The following KL variants were observed in gnomAD, a reference collection of about 807,000 sequenced individuals.
KL encodes alpha-klotho.
KL carries 62 observed loss-of-function variants against 84.2 expected under a neutral mutation model. The observed-to-expected ratio is 0.74, with a 90% confidence interval of 0.60 to 0.91. The LOEUF (loss-of-function observed/expected upper bound fraction) is 0.91. KL is among the 40% of genes least tolerant of loss of function. The probability of loss-of-function intolerance (pLI) is 0.00; values close to 1 mark genes in which losing one functional copy is unlikely to be tolerated. For synonymous variants in KL, 528 were observed against 528.0 expected (o/e 1.00, Z 0.00); for missense variants, 1,261 against 1,305.7 (o/e 0.97, Z 0.53).
chr13:33,044,705 C>G (rs1254289947), intron 1 of KL, among the ~76,000 whole-genome samples: 1 of 116,958 alleles, frequency 8.6e-6, no homozygotes, highest in Non-Finnish European at 1.6e-5. Context: ...GGCTGGAGTG[C>G]AGTGGCGTGA....
intron 3 of KL, among the ~76,000 whole-genome samples, chr13:33,060,322 A>C (rs911314650): frequency 9.2e-5 from 14 of 152,094 alleles, no homozygotes; most frequent in African/African-American, 3.1e-4. Context: ...TCATGACATT[A>C]ATGATTTCTT....
chr13:33,025,314 A>G (rs1870730111), intron 1 of KL, among the ~76,000 whole-genome samples: 1 of 152,222 alleles, frequency 6.6e-6, no homozygotes, highest in Non-Finnish European at 1.5e-5. Flanking sequence ...CAGATCCTAC[A>G]GTGTCTGTTG....
intron 1 of KL, among the ~76,000 whole-genome samples, chr13:33,024,550 G>A (rs1487871934): frequency 1.3e-5 from 2 of 152,190 alleles, no homozygotes; most frequent in African/African-American, 4.8e-5. Context: ...GCTCCCAAAG[G>A]AGGCATATTT....
intron 1 of KL, among the ~76,000 whole-genome samples, chr13:33,022,661 G>A (rs1205116968): frequency 6.6e-6 from 1 of 152,154 alleles, no homozygotes; most frequent in Non-Finnish European, 1.5e-5. Context: ...ACCCTTCAGA[G>A]ACTTGACTCA....
At position 33,064,665 on chromosome 13, in the gene KL, A is replaced by G; in HGVS notation, c.*479A>G. 1 of 235,852 alleles carries G rather than the reference A, an allele frequency of 4.2e-6. No individual in the cohort carries two copies. The highest frequency in any genetic ancestry group is 5.3e-5 in the Admixed American group (1 of 18,842). The allele number at this position is 235,852 out of a possible 1,614,324, so 14.6% of individuals were successfully genotyped here. On this transcript the variant is annotated 3_prime_UTR_variant, in exon 5 of 5. Coordinates refer to ENST00000380099, the MANE Select transcript of KL (RefSeq NM_004795.4). ...TCCCCTCTGTCAAATCTAGTTTCCTATGGAAAAGAAGATGGCAGATACAGG... is the reference window on the plus strand; with the variant it reads ...TCCCCTCTGTCAAATCTAGTTTCCTGTGGAAAAGAAGATGGCAGATACAGG...
At chr13:33,028,972 C>G (rs754556299) in intron 1 of KL, among the ~76,000 whole-genome samples, 25 of 141,222 alleles carry the variant, frequency 1.8e-4, no homozygotes, top group Non-Finnish European at 3.2e-4. Flanking sequence ...AAGAAAACGT[C>G]TTAAGAGTCA....
Position 33,054,921 on chromosome 13 carries a change from T to C in KL, c.1331-126T>C, listed in dbSNP as rs540913366. On this transcript the variant is annotated intron_variant, in intron 2 of 4. Transcript: ENST00000380099. ...AGTCTTTCGTCAAGAAGAAAAATCA[T>C]TGGCTTACCAAACGAGAAGCATTAC... 7 of 1,219,090 alleles carry C rather than the reference T, an allele frequency of 5.7e-6. No individual in the cohort carries two copies. The African/African-American group carries it at 1.0e-4, about 18-fold the overall frequency. 75.5% of individuals were successfully genotyped at this position (1,219,090 alleles called of 1,614,324 possible).
intron 1 of KL, among the ~76,000 whole-genome samples, chr13:33,039,564 G>A (rs1871263087): frequency 6.6e-6 from 1 of 152,042 alleles, no homozygotes; most frequent in Non-Finnish European, 1.5e-5. Flanking sequence ...ATGCACGTGG[G>A]GAGCCAAACA....
chr13:33,044,402 A>C (rs1871444549), intron 1 of KL, among the ~76,000 whole-genome samples: 1 of 152,098 alleles, frequency 6.6e-6, no homozygotes, highest in African/African-American at 2.4e-5. Flanking sequence ...TCAGTAGGTC[A>C]ATCTGGGGAA....
chr13:33,030,535 G>A (rs1486692955), intron 1 of KL, among the ~76,000 whole-genome samples: 1 of 152,090 alleles, frequency 6.6e-6, no homozygotes, highest in African/African-American at 2.4e-5. Context: ...ATGATCATAA[G>A]TGCAAATTAT....
At chr13:33,029,170 A>T (rs1870882392) in intron 1 of KL, among the ~76,000 whole-genome samples, 1 of 152,240 alleles carries the variant, frequency 6.6e-6, no homozygotes, top group African/African-American at 2.4e-5. Flanking sequence ...TATAGCACAT[A>T]TTTATAGCAT....
At chr13:33,027,408 C>G (rs2138196780) in intron 1 of KL, among the ~76,000 whole-genome samples, 1 of 152,300 alleles carries the variant, frequency 6.6e-6, no homozygotes, top group East Asian at 1.9e-4. Flanking sequence ...GGGCCTTGAC[C>G]TTGGCATAAC....
intron 1 of KL, among the ~76,000 whole-genome samples, chr13:33,027,866 G>C (rs1870836767): frequency 1.3e-5 from 2 of 152,208 alleles, no homozygotes; most frequent in Non-Finnish European, 1.5e-5. Context: ...TAAATGTCAA[G>C]ATAGGATTAG....
chr13:33,033,745 G>A (rs1193521054), intron 1 of KL, among the ~76,000 whole-genome samples: 1 of 151,842 alleles, frequency 6.6e-6, no homozygotes, highest in Non-Finnish European at 1.5e-5. Context: ...ACGAGCAGCG[G>A]AGAAGACTGA....
At position 33,061,029 on chromosome 13, in the gene KL, C is replaced by T. The variant is rs1232909852; in HGVS notation, c.1950C>T (p.Leu650=). The T allele has an allele frequency of 6.2e-7, 1 of 1,612,212 alleles. No individual in the cohort carries two copies. Among genetic ancestry groups the T allele is most frequent in the Non-Finnish European group, 8.5e-7 (1 of 1,178,556 alleles). Residue 650 remains leucine, a synonymous_variant, in exon 4 of 5, where the codon CTC becomes CTT. Transcript: ENST00000380099. ...PMAPNQGLPR[L]LARQGAWENP... ...CCCCGAACCAAGGACTGCCGCGCCT[C>T]CTGGCCAGGCAGGGCGCCTGGGAGA... is the stretch of plus-strand genomic sequence containing the variant.
At chr13:33,031,644 A>T (rs181874262) in intron 1 of KL, among the ~76,000 whole-genome samples, 1 of 152,350 alleles carries the variant, frequency 6.6e-6, no homozygotes, top group East Asian at 1.9e-4. Context: ...AAAATGGGGC[A>T]TGTAAAAGAG....
At chr13:33,027,104 G>A (rs7327985) in intron 1 of KL, among the ~76,000 whole-genome samples, 6,227 of 152,244 alleles carry the variant, frequency 0.041, 327 homozygotes, top group African/African-American at 0.1. Flanking sequence ...CTTGTCCTGT[G>A]TTAAGTTCCA....
intron 4 of KL, among the ~76,000 whole-genome samples, chr13:33,062,727 A>T (rs542504107): frequency 6.6e-6 from 1 of 151,466 alleles, no homozygotes; most frequent in African/African-American, 2.4e-5. Flanking sequence ...AGTAGATTGA[A>T]TTATGTAAAA....
chr13:33,019,732 TGA>T lies in KL; in HGVS notation c.819+2497_819+2498del, dbSNP rs59216104. Among the ~76,000 whole-genome samples, 260 of 133,452 alleles carry T rather than the reference TGA, an allele frequency of 1.9e-3. 2 individuals carry two copies. Among genetic ancestry groups the T allele is most frequent in the African/African-American group, 6.5e-3 (221 of 34,000 alleles). The allele number at this position is 133,452 out of a possible 152,430, so 87.5% of individuals were successfully genotyped here. A position where few individuals can be genotyped will look rare whatever the true frequency, so the allele number is the denominator to read the frequency against. On this transcript the variant is annotated intron_variant, in intron 1 of 4. Transcript: ENST00000380099. ...TGGTGTGTGTGTGTGTGTGTGTGTGTGAGAGAGAGAGAGAGAGAGAGAGAGGA... is the reference window on the plus strand; with the variant it reads ...TGGTGTGTGTGTGTGTGTGTGTGTGTGAGAGAGAGAGAGAGAGAGAGAGGA...
Sources: gnomAD v4.1 joint callset for allele counts (sites outside exome capture counted in the v4.1 genomes callset) on GRCh38, gnomAD v4.1.1 for gene constraint, MANE v1.5 for transcripts, NCBI Gene and HGNC (gene_info 2026-07-23, HGNC 2026-07-21) for gene names.